PPP6R2: variants seen among roughly 807,000 people sequenced by gnomAD.
PPP6R2 encodes serine/threonine-protein phosphatase 6 regulatory subunit 2.
In PPP6R2, 62 loss-of-function variants were observed where a neutral mutation model predicts 100.2. The ratio of observed to expected loss-of-function variants is 0.62; its 90% CI spans 0.50 to 0.76. PPP6R2 has a LOEUF of 0.76. PPP6R2 is among the 30% of genes least tolerant of loss of function. PPP6R2 has a pLI of 0.00. For synonymous variants in PPP6R2, 525 were observed against 514.7 expected, an observed-to-expected ratio of 1.02 and a Z score of -0.27; for missense variants, 1,142 against 1,276.3, an observed-to-expected ratio of 0.89 and a Z score of 1.60.
intron 22 of PPP6R2, 135 bp downstream of exon 22, chr22:50,441,161 C>T (rs925854609): frequency 1.7e-5 from 14 of 812,562 alleles, no homozygotes; most frequent in Middle Eastern, 7.5e-4. Flanking sequence ...CCCCCATGGC[C>T]CCGTGACCCT....
intron 3 of PPP6R2, among the ~76,000 whole-genome samples, chr22:50,399,851 C>A (rs889023040): frequency 6.6e-6 from 1 of 152,222 alleles, no homozygotes; most frequent in Admixed American, 6.5e-5. Flanking sequence ...CAGCAGAGGG[C>A]GCCACCCCAG....
chr22:50,399,125 T>C lies in PPP6R2; in HGVS notation c.227+4990T>C, dbSNP rs553424201. 2.2e-4 allele frequency among the ~76,000 whole-genome samples: 34 copies of C among 152,236 alleles called. 2 individuals are homozygous for C. The highest frequency in any genetic ancestry group is 4.8e-4 in the African/African-American group (20 of 41,564). On this transcript the variant is annotated intron_variant, in intron 3 of 23. Coordinates refer to ENST00000612753, the MANE Select transcript of PPP6R2 (RefSeq NM_001242898.2). ...AGCCAGGCGTGGTGGCCGGTGCCTGTAGTCCCAGCTACTTGGGAAGCTGAG... is the reference window on the plus strand; with the variant it reads ...AGCCAGGCGTGGTGGCCGGTGCCTGCAGTCCCAGCTACTTGGGAAGCTGAG...
At chr22:50,417,717 G>A (rs1269843233) in intron 6 of PPP6R2, among the ~76,000 whole-genome samples, 2 of 152,028 alleles carry the variant, frequency 1.3e-5, no homozygotes, top group Non-Finnish European at 1.5e-5. Context: ...GTTGGCGTCT[G>A]TAGGAAGCAA....
At chr22:50,394,244 C>G in intron 3 of PPP6R2, 109 bp downstream of exon 3, 1 of 1,484,350 alleles carries the variant, frequency 6.7e-7, no homozygotes, top group Non-Finnish European at 9.1e-7. Flanking sequence ...AGAAGCGAGC[C>G]GTAAAAATCC....
At chr22:50,355,069 C>T (rs950809588) in intron 1 of PPP6R2, among the ~76,000 whole-genome samples, 3 of 151,638 alleles carry the variant, frequency 2.0e-5, no homozygotes, top group African/African-American at 7.3e-5. Flanking sequence ...TCCTGAACTC[C>T]TGGACTTAAG....
At chr22:50,381,796 TA>T (rs1360424627) in intron 2 of PPP6R2, among the ~76,000 whole-genome samples, 2 of 151,426 alleles carry the variant, frequency 1.3e-5, no homozygotes, top group African/African-American at 4.9e-5. Context: ...TAGTCCCAGC[TA>T]CTCAGGAGGC....
In PPP6R2 at chr22:50,440,019, G is replaced by A. The variant is rs763074311; in HGVS notation, c.2344G>A (p.Gly782Ser). ...GGACACAGAATGCAGCCATGCTGAG[G>A]GCAGCCGGAGCCAAGGCCCTGAGAA... ...PVDTECSHAE[G>S]SRSQGPEKAF... The change falls in exon 21 of 24, where the codon GGC (glycine) becomes AGC (serine). Residue 782 changes from glycine to serine, a missense_variant. Transcript: ENST00000612753. The A allele has an allele frequency of 3.1e-6, 5 of 1,613,470 alleles. No homozygotes were observed. The South Asian group carries it at 4.4e-5, about 14-fold the overall frequency.
At chr22:50,409,801 A>C (rs2059488627) in intron 4 of PPP6R2, among the ~76,000 whole-genome samples, 1 of 152,200 alleles carries the variant, frequency 6.6e-6, no homozygotes, top group Admixed American at 6.5e-5. Context: ...ACCTTGGCTC[A>C]TTGCAACCTC....
At chr22:50,334,755 C>G in the PPP6R2 span, among the ~76,000 whole-genome samples, 3 of 152,082 alleles carry the variant, frequency 2.0e-5, no homozygotes, top group African/African-American at 7.2e-5. Context: ...CACTTGAGCT[C>G]AGGAGTTCAA....
intron 1 of PPP6R2, among the ~76,000 whole-genome samples, chr22:50,354,046 T>C (rs2045913222): frequency 6.6e-6 from 1 of 152,224 alleles, no homozygotes. Context: ...GGCTCATGCC[T>C]GTAATCTCAG....
At chr22:50,352,543 G>A (rs746716376) in intron 1 of PPP6R2, among the ~76,000 whole-genome samples, 69 of 151,800 alleles carry the variant, frequency 4.5e-4, no homozygotes, top group Non-Finnish European at 8.8e-4. Context: ...TGGCCAACAT[G>A]GTGAAACCCC....
At chr22:50,369,847 C>A (rs2049631149) in intron 1 of PPP6R2, among the ~76,000 whole-genome samples, 1 of 151,646 alleles carries the variant, frequency 6.6e-6, no homozygotes, top group South Asian at 2.1e-4. Flanking sequence ...GCAGTCCTCC[C>A]ACTCAGCCTC....
At chr22:50,391,530 C>T (rs920407775) in intron 2 of PPP6R2, among the ~76,000 whole-genome samples, 2 of 150,180 alleles carry the variant, frequency 1.3e-5, no homozygotes, top group African/African-American at 2.5e-5. Context: ...GGGAGGACTG[C>T]TTGAGCCTGC....
In PPP6R2 at chr22:50,409,520, C is replaced by T. The variant is rs371182863; in HGVS notation, c.414+2645C>T. Among the ~76,000 whole-genome samples, 102 of 151,930 alleles carry T rather than the reference C, an allele frequency of 6.7e-4. 2 individuals are homozygous for T. The South Asian group carries it at 0.013, about 19-fold the overall frequency. ...TCAGCTCACCACAACCTCCGCCTCC[C>T]GGGTTCCAGCGATTCTTCTGCTTCA... On this transcript the variant is annotated intron_variant, in intron 4 of 23. Transcript: ENST00000612753.
At chr22:50,397,254 G>A (rs1262404240) in intron 3 of PPP6R2, among the ~76,000 whole-genome samples, 1 of 151,996 alleles carries the variant, frequency 6.6e-6, no homozygotes, top group Non-Finnish European at 1.5e-5. Context: ...AGAGCAAGAG[G>A]ACTAGGGGAA....
At chr22:50,416,353 C>T (rs2060536380) in intron 6 of PPP6R2, among the ~76,000 whole-genome samples, 196 bp downstream of exon 6, 2 of 148,840 alleles carry the variant, frequency 1.3e-5, no homozygotes, top group African/African-American at 2.5e-5. Context: ...TTTGAGATGG[C>T]GTTTCGCTCT....
At chr22:50,356,873 G>A (rs1378150999) in intron 1 of PPP6R2, among the ~76,000 whole-genome samples, 1 of 151,996 alleles carries the variant, frequency 6.6e-6, no homozygotes, top group Non-Finnish European at 1.5e-5. Flanking sequence ...GGCAGAGGTT[G>A]CAGTGAGGCA....
intron 4 of PPP6R2, among the ~76,000 whole-genome samples, chr22:50,414,331 G>GCCCCCCCCCCCCCCCCCCCCCCCCCCC (rs57634612): frequency 1.1e-4 from 3 of 26,798 alleles, no homozygotes; most frequent in African/African-American, 1.7e-4. Context: ...CTGTGCAGTG[G>GCCCCCCCCCCCCCCCCCCCCCCCCCCC]CCCCCCCCCC....
At chr22:50,437,647 C>G in intron 16 of PPP6R2, 44 bp downstream of exon 16, 1 of 1,522,994 alleles carries the variant, frequency 6.6e-7, no homozygotes, top group South Asian at 1.1e-5. Flanking sequence ...GCGGCTCTCC[C>G]TGCTGCTGAG....
Sources: allele counts gnomAD v4.1 joint callset (sites outside exome capture counted in the v4.1 genomes callset), GRCh38; gene constraint gnomAD v4.1.1; transcripts MANE v1.5; gene names NCBI Gene and HGNC (gene_info 2026-07-23, HGNC 2026-07-21).